Variants in ACSM2A observed in about 807,000 individuals in gnomAD.
The protein encoded by ACSM2A is acyl-coenzyme A synthetase ACSM2A, mitochondrial.
A neutral mutation model predicts 76.6 loss-of-function variants in ACSM2A; 72 were observed. The observed-to-expected ratio is 0.94, with a 90% CI of 0.78 to 1.14. The LOEUF is 1.14. Ranked by LOEUF, ACSM2A falls within the 50% of genes most tolerant of loss-of-function variation. ACSM2A has a pLI of 0.00. For synonymous variants in ACSM2A, 249 were observed against 255.9 expected (o/e 0.97, Z 0.26); for missense variants, 684 against 708.5 (o/e 0.97, Z 0.39).
At chr16:20,473,908 T>G in intron 6 of ACSM2A, 1 of 357,318 alleles carries the variant, frequency 2.8e-6, no homozygotes, top group South Asian at 2.2e-5. Flanking sequence ...AGAACTTGGG[T>G]CTCCACAATT....
chr16:20,458,888 T>A (rs1019804658), intron 1 of ACSM2A, among the ~76,000 whole-genome samples: 1 of 125,622 alleles, frequency 8.0e-6, no homozygotes, highest in African/African-American at 2.9e-5. Flanking sequence ...ATACATAGTA[T>A]ATATTATATA....
Position 20,471,685 on chromosome 16 carries a change from T to A in ACSM2A, c.890T>A (p.Leu297Gln). ...LLPKFDPLVI[L>Q]KTLSSYPIKS... ...CCAAAGTTTGACCCACTGGTTATTC[T>A]AAAGGTAAGAGAGGATCCAGTTTGC... Residue 297 changes from leucine (L) to glutamine (Q), a missense_variant, in exon 6 of 14, where the codon CTA becomes CAA. Leu to Gln is a moderately radical substitution (Grantham distance 113). This residue lies in a region of ACSM2A where 519 missense variants were observed against 549.5 expected (regional missense o/e 0.94). Transcript: ENST00000573854. 6.2e-7 allele frequency: 1 copy of A among 1,612,400 alleles called. No homozygotes were observed. The highest frequency in any genetic ancestry group is 8.5e-7 in the Non-Finnish European group (1 of 1,179,004).
chr16:20,475,873 T>A, intron 8 of ACSM2A, 100 bp downstream of exon 8: 1 of 1,568,304 alleles, frequency 6.4e-7, no homozygotes, highest in South Asian at 1.2e-5. Context: ...CATTCATCTA[T>A]TCGAGAAGTA....
chr16:20,467,356 T>A (rs1352765101), intron 3 of ACSM2A, among the ~76,000 whole-genome samples: 1 of 134,970 alleles, frequency 7.4e-6, no homozygotes, highest in African/African-American at 3.4e-5. Context: ...AAACCATTGA[T>A]GCATTGAGTG....
At chr16:20,470,168 C>T (rs1195068821) in intron 4 of ACSM2A, among the ~76,000 whole-genome samples, 3 of 152,104 alleles carry the variant, frequency 2.0e-5, no homozygotes, top group Non-Finnish European at 4.4e-5. Context: ...ACACTGGAAA[C>T]AACATGATGT....
At chr16:20,480,438 C>G (rs975039480) in intron 10 of ACSM2A, 135 bp from the exon 11 acceptor site, 26 of 1,456,258 alleles carry the variant, frequency 1.8e-5, no homozygotes, top group South Asian at 2.8e-5. Context: ...TGGTTCAGGG[C>G]ATGTCTGCCA....
intron 2 of ACSM2A, among the ~76,000 whole-genome samples, chr16:20,465,039 C>A (rs557029003): frequency 2.0e-5 from 3 of 152,184 alleles, no homozygotes; most frequent in East Asian, 1.9e-4. Context: ...AATTCTTTCA[C>A]GAGTATACAA....
intron 3 of ACSM2A, among the ~76,000 whole-genome samples, chr16:20,468,498 T>C (rs1257167405): frequency 1.3e-5 from 2 of 152,220 alleles, no homozygotes; most frequent in Non-Finnish European, 2.9e-5. Context: ...TAGCTGGGAT[T>C]ACAGGCGTGT....
intron 10 of ACSM2A, 100 bp downstream of exon 10, chr16:20,478,777 G>C (rs1457813351): frequency 2.1e-6 from 3 of 1,435,596 alleles, no homozygotes; most frequent in South Asian, 1.5e-5. Flanking sequence ...AGAGGCACTA[G>C]ATGTGGAGAC....
At chr16:20,455,110 A>T (rs1211083521) in intron 1 of ACSM2A, among the ~76,000 whole-genome samples, 9 of 145,046 alleles carry the variant, frequency 6.2e-5, no homozygotes, top group Non-Finnish European at 1.1e-4. Context: ...GAAAAAAAAA[A>T]TTTTCAATGA....
intron 10 of ACSM2A, among the ~76,000 whole-genome samples, chr16:20,479,537 G>C (rs2013965960): frequency 6.6e-6 from 1 of 152,152 alleles, no homozygotes; most frequent in South Asian, 2.1e-4. Context: ...TCATCTGTAA[G>C]TTGTGTGTCG....
chr16:20,476,364 A>C, intron 8 of ACSM2A: 3 of 982,404 alleles, frequency 3.1e-6, no homozygotes, highest in Non-Finnish European at 3.6e-6. Context: ...TCCTTTTTCC[A>C]GTGCCTCTTA....
intron 1 of ACSM2A, among the ~76,000 whole-genome samples, chr16:20,458,892 TTATATATATATGCATA>T (rs2012388345): frequency 2.7e-5 from 3 of 111,178 alleles, no homozygotes; most frequent in Admixed American, 1.1e-4. Flanking sequence ...ATAGTATATA[TTATATATATATGCATA>T]TATATATATA....
intron 3 of ACSM2A, among the ~76,000 whole-genome samples, chr16:20,469,206 T>C (rs1049530162): frequency 8.0e-6 from 1 of 124,414 alleles, no homozygotes; most frequent in Non-Finnish European, 1.5e-5. Flanking sequence ...CTGTAGAAAA[T>C]TTTTTTTGAG....
chr16:20,458,607 T>A (rs957184726), intron 1 of ACSM2A, among the ~76,000 whole-genome samples: 7 of 143,838 alleles, frequency 4.9e-5, no homozygotes, highest in African/African-American at 1.5e-4. Flanking sequence ...TTTATATATA[T>A]ATATATGTAT....
At chr16:20,457,829 G>A (rs1269542704) in intron 1 of ACSM2A, among the ~76,000 whole-genome samples, 3 of 152,010 alleles carry the variant, frequency 2.0e-5, no homozygotes, top group South Asian at 4.2e-4. Context: ...AATCAGACAA[G>A]AGAAAGAAAT....
At chr16:20,458,279 T>A (rs1025656357) in intron 1 of ACSM2A, among the ~76,000 whole-genome samples, 1 of 149,494 alleles carries the variant, frequency 6.7e-6, no homozygotes, top group African/African-American at 2.4e-5. Flanking sequence ...ACCACCATCA[T>A]TCTTCACAGA....
chr16:20,470,745 T>C (rs1273289291), intron 4 of ACSM2A: 4 of 510,606 alleles, frequency 7.8e-6, no homozygotes, highest in Admixed American at 4.5e-5. Context: ...ATTGAGTTCT[T>C]ACTAAGCAAT....
Position 20,465,679 on chromosome 16 carries a change from C to A in ACSM2A, c.340C>A (p.Pro114Thr). 3.1e-6 allele frequency: 5 copies of A among 1,613,884 alleles called. No individual in the cohort carries two copies. The highest frequency in any genetic ancestry group is 3.4e-6 in the Non-Finnish European group (4 of 1,179,856). Residue 114 changes from proline to threonine, a missense_variant, in exon 3 of 14, where the codon CCC (proline) becomes ACC (threonine). Physicochemically the swap from Pro to Thr is conservative, Grantham distance 38. Around this residue, in one of 3 missense-constraint regions of ACSM2A, gnomAD observed 519 missense variants for 549.5 expected, o/e 0.94. Coordinates refer to ENST00000573854, the MANE Select transcript of ACSM2A (RefSeq NM_001308172.2). ...TGGGGATCGTGTGGCAGTGGTGCTG[C>A]CCCGAGTGCCTGAGTGGTGGCTGGT... ...QRGDRVAVVL[P>T]RVPEWWLVIL... is the part of the protein sequence containing the mutation.
Sources: allele counts gnomAD v4.1 joint callset (sites outside exome capture counted in the v4.1 genomes callset), GRCh38; gene constraint gnomAD v4.1.1; regional missense constraint gnomAD v4.1.1; transcripts MANE v1.5; gene names NCBI Gene and HGNC (gene_info 2026-07-23, HGNC 2026-07-21).